KDM6A: variants seen among roughly 807,000 people sequenced by gnomAD.
The protein encoded by KDM6A is lysine demethylase 6A.
In KDM6A, 11 loss-of-function variants were observed where a neutral mutation model predicts 117.6. The ratio of observed to expected loss-of-function variants is 0.09; its 90% confidence interval spans 0.06 to 0.15. KDM6A has a LOEUF of 0.15. Ranked by LOEUF, KDM6A falls within the 10% of genes least tolerant of loss-of-function variation. The pLI is 1.00. For missense variants in KDM6A, 799 were observed against 1,077.3 expected, an observed-to-expected ratio of 0.74 and a Z score of 3.62; for synonymous variants, 384 against 396.1, an observed-to-expected ratio of 0.97 and a Z score of 0.36.
At chrX:45,014,020 G>A (rs1386008386) in intron 5 of KDM6A, among the ~76,000 whole-genome samples, 3 of 111,740 alleles carry the variant, frequency 2.7e-5, no homozygotes, top group African/African-American at 9.8e-5. Flanking sequence ...CTGGGGATGA[G>A]TATGGGTTCT....
chrX:45,046,851 G>A (rs905086562), intron 8 of KDM6A, among the ~76,000 whole-genome samples: 1 of 111,376 alleles, frequency 9.0e-6, no homozygotes, highest in African/African-American at 3.3e-5. Context: ...AGTACATGTA[G>A]AAGCTGAGTA....
At chrX:45,041,114 G>A (rs1316904249) in intron 8 of KDM6A, among the ~76,000 whole-genome samples, 1 of 75,745 alleles carries the variant, frequency 1.3e-5, no homozygotes, top group Admixed American at 1.3e-4. Flanking sequence ...GTGGCTGGCC[G>A]GGCGGGGGGC....
At chrX:45,026,664 T>TAAG (rs1264968471) in intron 6 of KDM6A, among the ~76,000 whole-genome samples, 1 of 84,672 alleles carries the variant, frequency 1.2e-5, no homozygotes, top group Admixed American at 1.3e-4. Flanking sequence ...CCGTCTCTAC[T>TAAG]AAAAAAAAAA....
At chrX:44,920,583 C>T (rs894780322) in intron 2 of KDM6A, among the ~76,000 whole-genome samples, 17 of 109,543 alleles carry the variant, frequency 1.6e-4, no homozygotes, top group Non-Finnish European at 2.9e-4. Flanking sequence ...GGACTACAGG[C>T]GCCCGTCACC....
chrX:45,042,820 A>G (rs754169975), intron 8 of KDM6A, among the ~76,000 whole-genome samples: 1 of 112,014 alleles, frequency 8.9e-6, no homozygotes, highest in South Asian at 3.7e-4. Context: ...TAATAAATGA[A>G]GAAGGATCAT....
intron 2 of KDM6A, among the ~76,000 whole-genome samples, chrX:44,933,430 C>A (rs1300857496): frequency 9.5e-6 from 1 of 105,161 alleles, no homozygotes; most frequent in Non-Finnish European, 1.9e-5. Context: ...TGCCACCACG[C>A]CCGGCTAATT....
chrX:45,105,070 CTG>C (rs1359594673), intron 27 of KDM6A, among the ~76,000 whole-genome samples: 1 of 111,569 alleles, frequency 9.0e-6, no homozygotes, highest in African/African-American at 3.3e-5. Flanking sequence ...AACCAAGGCT[CTG>C]TGTTTGGAAA....
At chrX:44,922,825 A>G (rs1332042370) in intron 2 of KDM6A, among the ~76,000 whole-genome samples, 1 of 112,611 alleles carries the variant, frequency 8.9e-6, no homozygotes, top group Non-Finnish European at 1.9e-5. Context: ...TATTTTATAT[A>G]CTATTTTATA....
intron 3 of KDM6A, among the ~76,000 whole-genome samples, chrX:44,963,936 C>T (rs1039329270): frequency 9.2e-6 from 1 of 108,726 alleles, no homozygotes; most frequent in Non-Finnish European, 1.9e-5. Flanking sequence ...TCAGGCTGGT[C>T]GCGAACTCCT....
intron 8 of KDM6A, among the ~76,000 whole-genome samples, chrX:45,038,535 C>T (rs1297545300): frequency 1.9e-5 from 2 of 106,251 alleles, no homozygotes; most frequent in East Asian, 2.9e-4. Flanking sequence ...GATTAATACA[C>T]GGTCAAGATT....
chrX:44,884,274 C>T (rs1002100123), intron 2 of KDM6A, among the ~76,000 whole-genome samples: 3 of 110,353 alleles, frequency 2.7e-5, no homozygotes, highest in African/African-American at 9.9e-5. Flanking sequence ...TGTTTTGGGG[C>T]ATTGTTAAAC....
At chrX:44,991,767 A>G (rs1487820214) in intron 4 of KDM6A, among the ~76,000 whole-genome samples, 1 of 111,334 alleles carries the variant, frequency 9.0e-6, no homozygotes, top group Non-Finnish European at 1.9e-5. Flanking sequence ...GTTTACTGCA[A>G]TCTCTGCCTC....
chrX:45,088,785 A>G lies in KDM6A; in HGVS notation c.3705-958A>G, dbSNP rs539214594. On this transcript the variant is annotated intron_variant, in intron 25 of 29. Coordinates refer to ENST00000611820, the MANE Select transcript of KDM6A (RefSeq NM_001291415.2). ...CTATGTTGTTTAAAAAGTACTTCAT[A>G]TCATGATGGAGAATAAGAAGCCAGA... Among the ~76,000 whole-genome samples, 278 of 113,069 alleles carry G rather than the reference A, an allele frequency of 2.5e-3. 1 individual carries two copies. The highest frequency in any genetic ancestry group is 3.1e-3 in the Non-Finnish European group (167 of 53,394).
intron 2 of KDM6A, among the ~76,000 whole-genome samples, chrX:44,907,751 A>ATTTTTTTTTTTTTTTTT (rs67971573): frequency 2.8e-5 from 2 of 70,559 alleles, no homozygotes; most frequent in Non-Finnish European, 5.3e-5. Context: ...TCTGGCCTCC[A>ATTTTTTTTTTTTTTTTT]TTTTTTTTTT....
chrX:45,010,046 A>G (rs1231893702), intron 4 of KDM6A, among the ~76,000 whole-genome samples: 1 of 112,480 alleles, frequency 8.9e-6, no homozygotes, highest in Non-Finnish European at 1.9e-5. Context: ...ATTTCGAAGA[A>G]GAAATTTGTT....
At chrX:44,915,965 G>A (rs540901938) in intron 2 of KDM6A, among the ~76,000 whole-genome samples, 8 of 111,374 alleles carry the variant, frequency 7.2e-5, no homozygotes, top group African/African-American at 2.0e-4. Context: ...CAAGAAGAAC[G>A]GTGAGTACAG....
In KDM6A at chrX:44,922,027, CCTTT is replaced by C. The variant is rs1170364374; in HGVS notation, c.226-39256_226-39253del. ...ATGCTGATAAAATTCATTGTGTGTG[CCTTT>C]TTTTTTTTTTTTTTTTTTTTTTTTT... is the stretch of plus-strand genomic sequence containing the variant. On this transcript the variant is annotated intron_variant, in intron 2 of 29. Coordinates refer to ENST00000611820, the MANE Select transcript of KDM6A (RefSeq NM_001291415.2). Among the ~76,000 whole-genome samples, 200 of 37,710 alleles carry C rather than the reference CCTTT, an allele frequency of 5.3e-3. 72 individuals are homozygous for C. Among genetic ancestry groups the C allele is most frequent in the African/African-American group, 0.022 (168 of 7,525 alleles). The allele number at this position is 37,710 out of a possible 115,157, so 32.7% of individuals were successfully genotyped here. A position where few individuals can be genotyped will look rare whatever the true frequency, so the allele number is the denominator to read the frequency against.
At chrX:45,107,370 A>G (rs763196379) in intron 27 of KDM6A, 40 bp from the exon 28 acceptor site, 1 of 1,177,177 alleles carries the variant, frequency 8.5e-7, no homozygotes, top group Non-Finnish European at 1.2e-6. Flanking sequence ...AATATTCAAT[A>G]TTCAGTTGCT....
At chrX:44,905,958 C>G (rs752646794) in intron 2 of KDM6A, among the ~76,000 whole-genome samples, 2 of 111,859 alleles carry the variant, frequency 1.8e-5, no homozygotes, top group African/African-American at 6.5e-5. Context: ...TTTTTCCATT[C>G]TCTTTTACTT....
Sources: allele counts gnomAD v4.1 joint callset (sites outside exome capture counted in the v4.1 genomes callset), GRCh38; gene constraint gnomAD v4.1.1; transcripts MANE v1.5; gene names NCBI Gene and HGNC (gene_info 2026-07-23, HGNC 2026-07-21).